Variants in MSRA observed in about 807,000 individuals in gnomAD.
MSRA encodes the protein mitochondrial peptide methionine sulfoxide reductase.
A neutral mutation model predicts 31.3 loss-of-function variants in MSRA; 54 were observed. The observed-to-expected ratio is 1.73, with a 90% confidence interval of 1.39 to 2.17. The LOEUF is 2.17. MSRA is among the 30% of genes most tolerant of loss of function. The pLI is 0.00. For missense variants in MSRA, 507 were observed against 300.9 expected (o/e 1.69, Z -5.07); for synonymous variants, 169 against 116.5 (o/e 1.45, Z -2.90).
At chr8:10,336,304 G>A (rs1249517660) in intron 5 of MSRA, among the ~76,000 whole-genome samples, 1 of 152,042 alleles carries the variant, frequency 6.6e-6, no homozygotes, top group Non-Finnish European at 1.5e-5. Flanking sequence ...ACATTATTAT[G>A]CCAGAGACAC....
rs567382229 is a variant in MSRA, at chr8:10,077,640, C to T, written c.142+22982C>T. The stretch of plus-strand genomic sequence containing the variant: ...GACTGGACCCCTTTTGTTTTTTATT[C>T]CTAGTTACTTTTCTGCTCTTTTTCC... On this transcript the variant is annotated intron_variant, in intron 1 of 5. Transcript: ENST00000317173. Among the ~76,000 whole-genome samples the T allele has an allele frequency of 3.9e-5, 6 of 151,920 alleles. 1 individual carries two copies. The highest frequency in any genetic ancestry group is 1.4e-4 in the African/African-American group (6 of 41,448).
chr8:10,201,086 A>G (rs1808457494), intron 1 of MSRA, among the ~76,000 whole-genome samples: 1 of 152,160 alleles, frequency 6.6e-6, no homozygotes. Context: ...AAAGAAACAG[A>G]TAAGAAGAGG....
intron 1 of MSRA, among the ~76,000 whole-genome samples, chr8:10,061,118 T>C (rs1802693842): frequency 6.6e-6 from 1 of 152,214 alleles, no homozygotes; most frequent in South Asian, 2.1e-4. Context: ...GAGGGTATTC[T>C]GTACCTCCCA....
intron 4 of MSRA, among the ~76,000 whole-genome samples, chr8:10,304,237 A>G (rs541435614): frequency 6.6e-6 from 1 of 152,362 alleles, no homozygotes; most frequent in Non-Finnish European, 1.5e-5. Flanking sequence ...GCGCCTAGCC[A>G]CCAGGTGTAC....
chr8:10,186,470 G>T (rs1348443153), intron 1 of MSRA, among the ~76,000 whole-genome samples: 2 of 152,110 alleles, frequency 1.3e-5, no homozygotes, highest in Non-Finnish European at 1.5e-5. Flanking sequence ...TACTTCTAAT[G>T]GTTGTTCAGC....
At chr8:10,278,570 G>T (rs746989723) in intron 3 of MSRA, among the ~76,000 whole-genome samples, 1 of 152,170 alleles carries the variant, frequency 6.6e-6, no homozygotes, top group Non-Finnish European at 1.5e-5. Context: ...GCACACCTAT[G>T]GCCTGTAGGC....
intron 2 of MSRA, among the ~76,000 whole-genome samples, chr8:10,218,210 G>A (rs781221283): frequency 2.0e-5 from 3 of 151,488 alleles, no homozygotes; most frequent in African/African-American, 2.4e-5. Context: ...GTAGTGGTGC[G>A]GTCTTGGCTC....
chr8:10,372,083 T>C (rs1383660064), intron 5 of MSRA, among the ~76,000 whole-genome samples: 3 of 152,184 alleles, frequency 2.0e-5, no homozygotes, highest in African/African-American at 7.2e-5. Flanking sequence ...TCATGACAAT[T>C]GAGTCTGGGA....
chr8:10,277,426 T>G (rs1301735702), intron 3 of MSRA, among the ~76,000 whole-genome samples: 5 of 152,194 alleles, frequency 3.3e-5, no homozygotes, highest in Admixed American at 3.3e-4. Context: ...TCTTTCCATA[T>G]TTCTAAGAAT....
At chr8:10,105,002 T>C (rs1799788230) in intron 1 of MSRA, among the ~76,000 whole-genome samples, 1 of 152,232 alleles carries the variant, frequency 6.6e-6, no homozygotes, top group African/African-American at 2.4e-5. Context: ...AATATTTTGC[T>C]GTTACGTTTA....
intron 2 of MSRA, among the ~76,000 whole-genome samples, chr8:10,225,895 A>G (rs1470598573): frequency 6.6e-6 from 1 of 152,218 alleles, no homozygotes; most frequent in East Asian, 1.9e-4. Flanking sequence ...GGAGATAGGA[A>G]AGTGACAGAG....
At chr8:10,277,832 A>G (rs780539271) in intron 3 of MSRA, among the ~76,000 whole-genome samples, 5 of 85,390 alleles carry the variant, frequency 5.9e-5, no homozygotes, top group Non-Finnish European at 1.2e-4. Flanking sequence ...CCCTTCAACA[A>G]TGTATACATA....
intron 3 of MSRA, among the ~76,000 whole-genome samples, chr8:10,283,836 T>TATATACACAC (rs1261287031): frequency 8.7e-4 from 46 of 53,132 alleles, no homozygotes; most frequent in Non-Finnish European, 1.1e-3. Flanking sequence ...TATATATATA[T>TATATACACAC]ACACACACAC....
intron 1 of MSRA, among the ~76,000 whole-genome samples, chr8:10,088,564 A>G (rs1429950085): frequency 6.6e-6 from 1 of 152,094 alleles, no homozygotes; most frequent in Non-Finnish European, 1.5e-5. Context: ...GCGAAACCCC[A>G]TCTCTACTAA....
chr8:10,314,688 G>A (rs1487864560), intron 4 of MSRA, among the ~76,000 whole-genome samples: 1 of 152,176 alleles, frequency 6.6e-6, no homozygotes. Flanking sequence ...ATGTATAAGA[G>A]AATACATGTC....
intron 1 of MSRA, among the ~76,000 whole-genome samples, chr8:10,143,431 C>G (rs1289017990): frequency 6.6e-6 from 1 of 152,168 alleles, no homozygotes; most frequent in Non-Finnish European, 1.5e-5. Flanking sequence ...AGCCCCGTTA[C>G]TATGGTAACC....
chr8:10,209,784 C>T (rs1809315632), intron 2 of MSRA, among the ~76,000 whole-genome samples: 1 of 152,162 alleles, frequency 6.6e-6, no homozygotes, highest in Non-Finnish European at 1.5e-5. Flanking sequence ...GGGGGCAGCC[C>T]CTGGGAGGCC....
rs374757769 is a variant in MSRA at position 10,413,628 on chromosome 8, A to G, written c.544-14520A>G. Among the ~76,000 whole-genome samples, 46 of 151,376 alleles carry G rather than the reference A, an allele frequency of 3.0e-4. 1 individual carries two copies. The South Asian group carries it at 8.8e-3, about 29-fold the overall frequency. On this transcript the variant is annotated intron_variant, in intron 5 of 5. Coordinates refer to ENST00000317173, the MANE Select transcript of MSRA (RefSeq NM_012331.5). ...AAGAAAATGTTAGAGTAATGCCTCA[A>G]CAAATAAAGAATATCAGTAAGGAGA... is the stretch of plus-strand genomic sequence containing the variant.
rs529846716 is a variant in MSRA at position 10,206,030 on chromosome 8, A to G, written c.143-1803A>G. On this transcript the variant is annotated intron_variant, in intron 1 of 5. Transcript: ENST00000317173. The stretch of plus-strand genomic sequence containing the variant: ...TAATACTTTCATAGATATTATGTGT[A>G]TCACCTTTTCTTCTCGTGTGTTTTT... Among the ~76,000 whole-genome samples the G allele has an allele frequency of 2.2e-4, 34 of 152,370 alleles. 2 individuals carry two copies. The South Asian group carries it at 6.8e-3, about 31-fold the overall frequency.
Sources: gnomAD v4.1 joint callset for allele counts (sites outside exome capture counted in the v4.1 genomes callset) on GRCh38, gnomAD v4.1.1 for gene constraint, MANE v1.5 for transcripts, NCBI Gene and HGNC (gene_info 2026-07-23, HGNC 2026-07-21) for gene names.